TMEM132B: variants seen among roughly 807,000 people sequenced by gnomAD.
TMEM132B encodes transmembrane protein 132B.
A neutral mutation model predicts 90.8 loss-of-function variants in TMEM132B; 18 were observed. The ratio of observed to expected loss-of-function variants is 0.20; its 90% confidence interval spans 0.14 to 0.29. The LOEUF (loss-of-function observed/expected upper bound fraction) is 0.29, where lower values mean the gene tolerates loss of function less well. Among genes scored for constraint, TMEM132B ranks in the 10% least tolerant of loss-of-function variants. TMEM132B has a pLI of 1.00. For missense variants in TMEM132B, 1,096 were observed against 1,326.8 expected, an observed-to-expected ratio of 0.83 and a Z score of 2.70; for synonymous variants, 504 against 523.3, an observed-to-expected ratio of 0.96 and a Z score of 0.50.
intron 2 of TMEM132B, among the ~76,000 whole-genome samples, chr12:125,413,360 A>G (rs909063373): frequency 5.9e-5 from 9 of 152,034 alleles, no homozygotes; most frequent in African/African-American, 2.2e-4. Flanking sequence ...AATTTACATC[A>G]CATAAAATTA....
intron 4 of TMEM132B, among the ~76,000 whole-genome samples, chr12:125,524,555 C>T (rs996259320): frequency 1.3e-5 from 2 of 152,232 alleles, no homozygotes; most frequent in African/African-American, 4.8e-5. Flanking sequence ...GTAAAAATCA[C>T]ATTCCCTGCC....
chr12:125,331,997 C>A lies in TMEM132B; in HGVS notation c.68-17455C>A, dbSNP rs138606791. Among the ~76,000 whole-genome samples the A allele has an allele frequency of 7.4e-3, 1,132 of 152,164 alleles. 29 individuals are homozygous for A. The highest frequency in any genetic ancestry group is 0.049 in the Admixed American group (755 of 15,280). On this transcript the variant is annotated intron_variant, in intron 1 of 8. Coordinates refer to ENST00000682704, the MANE Select transcript of TMEM132B (RefSeq NM_001366854.1). ...TTCTCTTTAACTCCTGACCTCAAGC[C>A]ATCCCAAAGTGCTGGGATTACAGAC...
intron 5 of TMEM132B, among the ~76,000 whole-genome samples, chr12:125,608,508 A>T (rs1216454517): frequency 6.6e-6 from 1 of 152,142 alleles, no homozygotes; most frequent in African/African-American, 2.4e-5. Context: ...ATTTTCTCCC[A>T]TCCCGTGGGT....
intron 5 of TMEM132B, among the ~76,000 whole-genome samples, chr12:125,600,215 A>G (rs1263069102): frequency 6.6e-6 from 1 of 152,220 alleles, no homozygotes; most frequent in Non-Finnish European, 1.5e-5. Flanking sequence ...CACAGAAAAC[A>G]CTGGACTAAT....
chr12:125,428,283 T>G (rs1406757169), intron 3 of TMEM132B, among the ~76,000 whole-genome samples: 1 of 143,520 alleles, frequency 7.0e-6, no homozygotes, highest in African/African-American at 2.6e-5. Flanking sequence ...TGTGAGCCAC[T>G]GCACCCAGCT....
At chr12:125,304,668 A>T (rs1407416783) in intron 1 of TMEM132B, among the ~76,000 whole-genome samples, 1 of 152,130 alleles carries the variant, frequency 6.6e-6, no homozygotes. Flanking sequence ...ACTAGTGTTT[A>T]AAAATTTTCT....
chr12:125,322,375 T>C (rs1227923501), intron 1 of TMEM132B, among the ~76,000 whole-genome samples: 1 of 152,266 alleles, frequency 6.6e-6, no homozygotes, highest in Admixed American at 6.5e-5. Context: ...TCTTTTTCTT[T>C]ATTAATTACC....
At chr12:125,303,794 G>A (rs1232206714) in intron 1 of TMEM132B, among the ~76,000 whole-genome samples, 1 of 152,056 alleles carries the variant, frequency 6.6e-6, no homozygotes, top group African/African-American at 2.4e-5. Flanking sequence ...GTGGAGAAAT[G>A]TCTATTCAAG....
chr12:125,595,853 G>C (rs990171938), intron 5 of TMEM132B, among the ~76,000 whole-genome samples: 3 of 144,170 alleles, frequency 2.1e-5, no homozygotes, highest in African/African-American at 8.1e-5. Flanking sequence ...GCAATTTCAT[G>C]CTTATTTCTC....
intron 6 of TMEM132B, among the ~76,000 whole-genome samples, chr12:125,648,297 C>T (rs1278189796): frequency 6.6e-6 from 1 of 151,988 alleles, no homozygotes; most frequent in Non-Finnish European, 1.5e-5. Flanking sequence ...TTAATCCAGT[C>T]TATCATTGTT....
At chr12:125,378,936 T>A (rs1221087764) in intron 2 of TMEM132B, among the ~76,000 whole-genome samples, 1 of 152,132 alleles carries the variant, frequency 6.6e-6, no homozygotes, top group African/African-American at 2.4e-5. Flanking sequence ...GAGGTTTGAG[T>A]GAGGTCTCAT....
At chr12:125,525,451 C>G (rs1407907752) in intron 4 of TMEM132B, among the ~76,000 whole-genome samples, 1 of 152,236 alleles carries the variant, frequency 6.6e-6, no homozygotes, top group Admixed American at 6.5e-5. Context: ...GTGCCTGTCC[C>G]TTCCGCCATG....
Position 125,415,081 on chromosome 12 carries a change from C to T in TMEM132B, c.960-450C>T, listed in dbSNP as rs1879970978. 6.6e-6 allele frequency among the ~76,000 whole-genome samples: 1 copy of T among 152,138 alleles called. No homozygotes were observed. The highest frequency in any genetic ancestry group is 2.4e-5 in the African/African-American group (1 of 41,412). On this transcript the variant is annotated intron_variant, in intron 2 of 8. Transcript: ENST00000682704. This position sits in a 1 kb window ranked among gnomAD's most constrained non-coding sequence, Gnocchi z 5.3. ...CCGTCCATTCCTGCTCCCAGAGTGC[C>T]CAGTGCAATGGCCTCCTCTTCCATC...
intron 5 of TMEM132B, among the ~76,000 whole-genome samples, chr12:125,592,338 A>G (rs902091425): frequency 6.6e-6 from 1 of 152,196 alleles, no homozygotes; most frequent in Non-Finnish European, 1.5e-5. Flanking sequence ...ATAAGCTCAC[A>G]TGGATCTTGA....
At chr12:125,221,964 T>C (rs1396587727) in intron 1 of TMEM132B, among the ~76,000 whole-genome samples, 1 of 152,206 alleles carries the variant, frequency 6.6e-6, no homozygotes, top group Non-Finnish European at 1.5e-5. Flanking sequence ...GGAGCGGTTG[T>C]GGAGCCCCAG....
chr12:125,228,784 C>T (rs1052115632), intron 1 of TMEM132B, among the ~76,000 whole-genome samples: 1 of 152,210 alleles, frequency 6.6e-6, no homozygotes, highest in Non-Finnish European at 1.5e-5. Context: ...GAGAGGGATC[C>T]TGATTGGTCC....
intron 3 of TMEM132B, among the ~76,000 whole-genome samples, chr12:125,418,921 A>G (rs549949449): frequency 8.5e-5 from 13 of 152,360 alleles, no homozygotes; most frequent in African/African-American, 2.6e-4. Flanking sequence ...TTCAGAACAG[A>G]TAACACTGAA....
chr12:125,254,973 C>T, intron 1 of TMEM132B, among the ~76,000 whole-genome samples: 1 of 152,194 alleles, frequency 6.6e-6, no homozygotes, highest in East Asian at 1.9e-4. Flanking sequence ...GTGTGAGCCA[C>T]TGTGCCCGGC....
chr12:125,597,194 C>T (rs964767071), intron 5 of TMEM132B, among the ~76,000 whole-genome samples: 13 of 152,164 alleles, frequency 8.5e-5, no homozygotes, highest in Non-Finnish European at 1.8e-4. Flanking sequence ...TGTTAATATT[C>T]ATCATTACAA....
Sources: allele counts gnomAD v4.1 joint callset (sites outside exome capture counted in the v4.1 genomes callset), GRCh38; gene constraint gnomAD v4.1.1; non-coding constraint Gnocchi (gnomAD v3.1); transcripts MANE v1.5; gene names NCBI Gene and HGNC (gene_info 2026-07-23, HGNC 2026-07-21).